The following COCH variants were observed in gnomAD, a reference collection of about 807,000 sequenced individuals.
COCH encodes cochlin, also known as coagulation factor C homolog, cochlin (Limulus polyphemus).
In COCH, 40 loss-of-function variants were observed where a neutral mutation model predicts 54.8. That is an observed-to-expected ratio of 0.73 (90% CI 0.57 to 0.95). The LOEUF (loss-of-function observed/expected upper bound fraction) is 0.95, where lower values mean the gene tolerates loss of function less well. Ranked by LOEUF, COCH falls within the 40% of genes least tolerant of loss-of-function variation. The pLI, the probability that COCH is intolerant of heterozygous loss-of-function variation, is 0.00. For synonymous variants in COCH, 256 were observed against 237.9 expected (o/e 1.08, Z -0.70); for missense variants, 605 against 675.0 (o/e 0.90, Z 1.15).
chr14:30,874,815 T>C, intron 1 of COCH, 101 bp from the exon 2 acceptor site: 5 of 1,153,570 alleles, frequency 4.3e-6, no homozygotes, highest in Non-Finnish European at 6.5e-6. Context: ...TCCTCTCTCC[T>C]CTGCGCCGCG....
chr14:30,884,042 G>A (rs1278678499), intron 8 of COCH, among the ~76,000 whole-genome samples: 1 of 152,160 alleles, frequency 6.6e-6, no homozygotes, highest in Non-Finnish European at 1.5e-5. Context: ...ACAGACCCTA[G>A]TCTCATACCC....
intron 1 of COCH, 88 bp downstream of exon 1, chr14:30,874,679 T>G: frequency 1.7e-6 from 1 of 589,276 alleles, no homozygotes; most frequent in Non-Finnish European, 3.0e-6. Flanking sequence ...CTGTCTGTCG[T>G]CGTTTTGGCG....
intron 8 of COCH, among the ~76,000 whole-genome samples, chr14:30,882,335 G>A (rs1703720005): frequency 6.6e-6 from 1 of 151,400 alleles, no homozygotes; most frequent in Non-Finnish European, 1.5e-5. Flanking sequence ...TCACCATGTT[G>A]GCCAGCCTGG....
At chr14:30,884,513 T>C in intron 8 of COCH, 40 bp from the exon 9 acceptor site, 1 of 1,416,018 alleles carries the variant, frequency 7.1e-7, no homozygotes, top group Non-Finnish European at 1.0e-6. Context: ...ATTTTACCTT[T>C]TTAATTCTCC....
rs149903169 is a variant in COCH at position 30,878,837 on chromosome 14, C to A, written c.266C>A (p.Pro89His). The change falls in exon 5 of 12, where the codon CCT becomes CAT. Residue 89 changes from proline to histidine, a missense_variant. Pro to His is a moderately conservative substitution (Grantham distance 77). Coordinates refer to ENST00000396618, the MANE Select transcript of COCH (RefSeq NM_004086.3). ...HRGVISNSGG[P>H]VRVYSLPGRE... is the part of the protein sequence containing the mutation. ...GGAGTAATCAGCAACTCAGGGGGACCTGTACGAGTCTATAGCCTACCTGGT... is the reference window on the plus strand; with the variant it reads ...GGAGTAATCAGCAACTCAGGGGGACATGTACGAGTCTATAGCCTACCTGGT... 3.9e-5 allele frequency: 63 copies of A among 1,614,022 alleles called. No individual in the cohort carries two copies. The highest frequency in any genetic ancestry group is 4.9e-5 in the Non-Finnish European group (58 of 1,180,044).
At chr14:30,895,343 C>T, downstream of COCH, 1 of 1,477,186 alleles carries the variant, frequency 6.8e-7, no homozygotes, top group Non-Finnish European at 9.0e-7. Context: ...AGTAACCTTT[C>T]TGATGGCAGT....
downstream of COCH, chr14:30,894,893 C>CTTTTT (rs34255465): frequency 1.6e-5 from 12 of 741,864 alleles, no homozygotes; most frequent in African/African-American, 4.2e-5. Context: ...TTTTCTTTTT[C>CTTTTT]TTTTTTTTTT....
Position 30,885,471 on chromosome 14 carries a change from G to A in COCH, c.811G>A (p.Val271Met), listed in dbSNP as rs761471633. 3 of 1,614,144 alleles carry A rather than the reference G, an allele frequency of 1.9e-6. No homozygotes were observed. In the South Asian group the frequency reaches 3.3e-5, roughly 18 times the overall value. The change falls in exon 10 of 12, where the codon GTG becomes ATG. Residue 271 changes from valine to methionine, a missense_variant. Coordinates refer to ENST00000396618, the MANE Select transcript of COCH (RefSeq NM_004086.3). ...GVRKGIPKVV[V>M]VFIDGWPSDD... ...AAGAAAAGGGATCCCCAAAGTGGTGGTGGTATTTATTGATGGTTGGCCTTC... is the reference window on the plus strand; with the variant it reads ...AAGAAAAGGGATCCCCAAAGTGGTGATGGTATTTATTGATGGTTGGCCTTC...
chr14:30,884,899 G>T, intron 9 of COCH: 1 of 1,589,918 alleles, frequency 6.3e-7, no homozygotes, highest in South Asian at 1.1e-5. Flanking sequence ...CTCATACATT[G>T]GATTGACTAG....
chr14:30,881,159 G>A (rs1895567840), intron 8 of COCH, among the ~76,000 whole-genome samples: 1 of 148,252 alleles, frequency 6.7e-6, no homozygotes, highest in South Asian at 2.1e-4. Flanking sequence ...AGGTTACAAT[G>A]AGCCGAGATT....
intron 3 of COCH, among the ~76,000 whole-genome samples, chr14:30,876,721 C>T (rs568873512): frequency 6.6e-6 from 1 of 152,284 alleles, no homozygotes; most frequent in East Asian, 1.9e-4. Context: ...GAAAATGTTC[C>T]ACAAAGGCTC....
chr14:30,895,321 T>C (rs1363640062), downstream of COCH: 7 of 1,334,092 alleles, frequency 5.2e-6, 1 homozygote, highest in African/African-American at 8.8e-5. Flanking sequence ...AGATCACATG[T>C]AGTGTCATAT....
intron 5 of COCH, 116 bp downstream of exon 5, chr14:30,879,060 C>T (rs1895478297): frequency 1.4e-6 from 2 of 1,443,252 alleles, no homozygotes; most frequent in Admixed American, 3.4e-5. Flanking sequence ...AAGACTAAAG[C>T]TGACCTATAG....
downstream of COCH, among the ~76,000 whole-genome samples, chr14:30,892,591 G>A (rs948103321): frequency 8.5e-5 from 13 of 152,112 alleles, no homozygotes; most frequent in African/African-American, 3.1e-4. Context: ...ATCACCTGAG[G>A]TGACTCAGGA....
In COCH at chr14:30,874,971, CGGTGGGT is replaced by C; in HGVS notation, c.34+1_34+7del. On this transcript the variant is annotated splice_donor_variant and splice_donor_5th_base_variant and coding_sequence_variant and intron_variant, in exon 2 of 12. Transcript: ENST00000396618. LOFTEE classifies it high-confidence loss of function. ...CAGCCTGGATCCCGGCTCTCGGCCTCGGTGGGTGCGCGCCCCTCACGACCCCGGCCCC... is the reference window on the plus strand; with the variant it reads ...CAGCCTGGATCCCGGCTCTCGGCCTCGCGCGCCCCTCACGACCCCGGCCCC... The C allele has an allele frequency of 6.2e-7, 1 of 1,613,370 alleles. No homozygotes were observed. The highest frequency in any genetic ancestry group is 8.5e-7 in the Non-Finnish European group (1 of 1,179,864).
At chr14:30,895,092 G>GA (rs1566420989), downstream of COCH, 468 of 127,936 alleles carry the variant, frequency 3.7e-3, 4 homozygotes, top group South Asian at 7.1e-3. Context: ...AGAAGAAGAA[G>GA]AGAAAAAAAA....
At chr14:30,874,881 A>ACCCTGGCCC (rs1204547167) in intron 1 of COCH, 35 bp from the exon 2 acceptor site, 1 of 1,602,052 alleles carries the variant, frequency 6.2e-7, no homozygotes, top group Non-Finnish European at 8.5e-7. Context: ...GGCCTCCCGC[A>ACCCTGGCCC]CCCTGGCCTT....
intron 6 of COCH, among the ~76,000 whole-genome samples, chr14:30,879,748 A>G (rs1895503221): frequency 6.6e-6 from 1 of 152,194 alleles, no homozygotes; most frequent in Non-Finnish European, 1.5e-5. Flanking sequence ...GGCTCAAGCA[A>G]TCTTCTCACC....
In COCH at chr14:30,886,188, C is replaced by A; in HGVS notation, c.1353C>A (p.Ser451=). 1 of 1,610,566 alleles carries A rather than the reference C, an allele frequency of 6.2e-7. No homozygotes were observed. The highest frequency in any genetic ancestry group is 8.5e-7 in the Non-Finnish European group (1 of 1,177,484). Reference sequence around the variant, plus strand: ...GAACAGCTACTGGTGATGCCATTTCCTTCACTGTTAGAAATGTGTTTGGCC... The same window carrying A: ...GAACAGCTACTGGTGATGCCATTTCATTCACTGTTAGAAATGTGTTTGGCC... The part of the protein sequence containing the change: ...SGGTATGDAI[S]FTVRNVFGPI... The change falls in exon 11 of 12, where the codon TCC becomes TCA. Residue 451 remains serine, a synonymous_variant. Coordinates refer to ENST00000396618, the MANE Select transcript of COCH (RefSeq NM_004086.3).
Sources: allele counts gnomAD v4.1 joint callset (sites outside exome capture counted in the v4.1 genomes callset), GRCh38; gene constraint gnomAD v4.1.1; transcripts MANE v1.5; gene names NCBI Gene and HGNC (gene_info 2026-07-23, HGNC 2026-07-21).